The following ACKR2 variants were observed in gnomAD, a reference collection of about 807,000 sequenced individuals.
ACKR2 encodes the protein atypical chemokine receptor 2, also known as C-C chemokine receptor D6.
For synonymous variants in ACKR2, 207 were observed against 192.2 expected (o/e 1.08, Z -0.64); for missense variants, 457 against 477.3 (o/e 0.96, Z 0.40).
At chr3:42,851,994 A>G (rs17030478) in intron 2 of ACKR2, among the ~76,000 whole-genome samples, 40,917 of 152,112 alleles carry the variant, frequency 0.27, 7,144 homozygotes, top group East Asian at 0.6. Context: ...CCTGAATCAA[A>G]TGTCATTTAA....
intron 2 of ACKR2, among the ~76,000 whole-genome samples, chr3:42,845,273 C>T (rs1269598347): frequency 6.6e-6 from 1 of 152,194 alleles, no homozygotes; most frequent in African/African-American, 2.4e-5. Context: ...AACTCCTGTA[C>T]TCAAAGACCA....
At chr3:42,829,707 G>A (rs1700910402) in intron 2 of ACKR2, among the ~76,000 whole-genome samples, 1 of 152,154 alleles carries the variant, frequency 6.6e-6, no homozygotes, top group African/African-American at 2.4e-5. Flanking sequence ...CTAGGAGAGG[G>A]ACCTCTTGAC....
At chr3:42,816,637 A>T (rs1466002433) in intron 1 of ACKR2, among the ~76,000 whole-genome samples, 1 of 151,272 alleles carries the variant, frequency 6.6e-6, no homozygotes, top group Non-Finnish European at 1.5e-5. Flanking sequence ...GCTCACTGAA[A>T]CCTCTGCCTC....
chr3:42,842,754 AG>A (rs1396387153), intron 2 of ACKR2, among the ~76,000 whole-genome samples: 1 of 152,072 alleles, frequency 6.6e-6, no homozygotes, highest in Admixed American at 6.5e-5. Flanking sequence ...AGGTCGAGGC[AG>A]GTGGATCATT....
At chr3:42,816,576 A>C (rs1181892662) in intron 1 of ACKR2, among the ~76,000 whole-genome samples, 1 of 148,870 alleles carries the variant, frequency 6.7e-6, no homozygotes, top group East Asian at 2.0e-4. Flanking sequence ...TTTTTTTTTT[A>C]AGGTAGAGTC....
At chr3:42,830,345 G>C (rs1362983175) in intron 2 of ACKR2, among the ~76,000 whole-genome samples, 2 of 152,078 alleles carry the variant, frequency 1.3e-5, no homozygotes, top group African/African-American at 4.8e-5. Flanking sequence ...TGAACTCCTG[G>C]CCTCAAGTTA....
intron 2 of ACKR2, among the ~76,000 whole-genome samples, chr3:42,837,555 G>A (rs1293941746): frequency 6.6e-6 from 1 of 152,154 alleles, no homozygotes; most frequent in Non-Finnish European, 1.5e-5. Context: ...GACTAAGAGT[G>A]TATTCCAGCT....
chr3:42,837,443 A>G lies in ACKR2; in HGVS notation c.-38+17732A>G, dbSNP rs1700996602. ...CACTGTGTTGCCCAGGCTGTTCTCAAACTCCTGGGCTTAAGAAGTCCTCTC... is the reference window on the plus strand; with the variant it reads ...CACTGTGTTGCCCAGGCTGTTCTCAGACTCCTGGGCTTAAGAAGTCCTCTC... On this transcript the variant is annotated intron_variant, in intron 2 of 2. Transcript: ENST00000422265. Among the ~76,000 whole-genome samples the G allele has an allele frequency of 2.6e-5, 4 of 152,230 alleles. No homozygotes were observed. The South Asian group carries it at 8.3e-4, about 32-fold the overall frequency.
chr3:42,817,835 T>A (rs1398271230), intron 1 of ACKR2, among the ~76,000 whole-genome samples: 1 of 152,242 alleles, frequency 6.6e-6, no homozygotes, highest in East Asian at 1.9e-4. Flanking sequence ...TACTTGACTC[T>A]TCTATCATAT....
chr3:42,818,496 A>C (rs1700776089), intron 1 of ACKR2, among the ~76,000 whole-genome samples: 2 of 152,218 alleles, frequency 1.3e-5, no homozygotes, highest in South Asian at 4.1e-4. Flanking sequence ...GCTGCTTCCT[A>C]CAAGCAGTAA....
intron 2 of ACKR2, chr3:42,850,932 T>C (rs1701150158): frequency 6.6e-6 from 1 of 152,228 alleles, no homozygotes; most frequent in Non-Finnish European, 1.5e-5. Flanking sequence ...CCCTGCTCAG[T>C]GGGAGTTATG....
rs2088427400 is a variant in ACKR2, at chr3:42,865,459, C to G, written c.957C>G (p.Phe319Leu). The change falls in exon 3 of 3, where the codon TTC becomes TTG. Residue 319 changes from phenylalanine (F) to leucine (L), a missense_variant. Physicochemically the swap from Phe to Leu is conservative, Grantham distance 22 (BLOSUM62 0). Transcript: ENST00000422265. ...TGTATGCCTTCTCCAGTCACCGCTT[C>G]CGCCAGTACCTGAAGGCTTTCCTGG... Reference protein sequence around the residue: ...PILYAFSSHRFRQYLKAFLAA... With the variant: ...PILYAFSSHRLRQYLKAFLAA... 1 of 1,614,200 alleles carries G rather than the reference C, an allele frequency of 6.2e-7. No homozygotes were observed. Among genetic ancestry groups the G allele is most frequent in the Non-Finnish European group, 8.5e-7 (1 of 1,180,038 alleles).
Position 42,864,703 on chromosome 3 carries a change from TCTC to T in ACKR2, c.202_204del (p.Leu68del). The T allele has an allele frequency of 1.2e-6, 2 of 1,614,182 alleles. No homozygotes were observed. The highest frequency in any genetic ancestry group is 1.3e-5 in the African/African-American group (1 of 75,046). On this transcript the variant is annotated inframe_deletion, in exon 3 of 3. Transcript: ENST00000422265. ...TGGGCCTCAGCGGGAACCTCCTTCT[TCTC>T]ATGGTCTTGCTCCGTTACGTGCCTC...
intron 2 of ACKR2, among the ~76,000 whole-genome samples, chr3:42,830,999 G>T (rs185715715): frequency 6.6e-6 from 1 of 150,492 alleles, no homozygotes; most frequent in Non-Finnish European, 1.5e-5. Flanking sequence ...AGTGATCCTG[G>T]GACTATAATT....
At chr3:42,814,227 T>C (rs1225670203) in intron 1 of ACKR2, among the ~76,000 whole-genome samples, 1 of 152,248 alleles carries the variant, frequency 6.6e-6, no homozygotes, top group East Asian at 1.9e-4. Context: ...GACATTATAA[T>C]TGGTAACAAA....
chr3:42,847,715 C>T (rs936318628), intron 2 of ACKR2, among the ~76,000 whole-genome samples: 1 of 135,462 alleles, frequency 7.4e-6, no homozygotes, highest in African/African-American at 2.7e-5. Flanking sequence ...AGAGCATGAG[C>T]TTGGTGGTGC....
chr3:42,843,097 G>GTC (rs532504034), intron 2 of ACKR2, among the ~76,000 whole-genome samples: 271 of 148,782 alleles, frequency 1.8e-3, no homozygotes, highest in African/African-American at 6.2e-3. Context: ...TTGAGATGGA[G>GTC]TCTCTCTCTC....
chr3:42,851,844 T>G (rs1156247608), intron 2 of ACKR2, among the ~76,000 whole-genome samples: 1 of 152,166 alleles, frequency 6.6e-6, no homozygotes, highest in Non-Finnish European at 1.5e-5. Context: ...GGCCAAAGTT[T>G]CACAGCTCTG....
intron 2 of ACKR2, among the ~76,000 whole-genome samples, chr3:42,837,206 G>A (rs1700994594): frequency 6.6e-6 from 1 of 152,042 alleles, no homozygotes; most frequent in Admixed American, 6.6e-5. Context: ...GAGTCCAGGG[G>A]CTGGGGAGCC....
Sources: gnomAD v4.1 joint callset for allele counts (sites outside exome capture counted in the v4.1 genomes callset) on GRCh38, gnomAD v4.1.1 for gene constraint, MANE v1.5 for transcripts, NCBI Gene and HGNC (gene_info 2026-07-23, HGNC 2026-07-21) for gene names.